SACS: variants seen among roughly 807,000 people sequenced by gnomAD.
The protein encoded by SACS is sacsin molecular chaperone.
In SACS, 197 loss-of-function variants were observed where a neutral mutation model predicts 348.0. That is an observed-to-expected ratio of 0.57 (90% CI 0.50 to 0.64). The LOEUF is 0.64. SACS is among the 30% of genes least tolerant of loss of function. The probability of loss-of-function intolerance (pLI) is 0.00; values close to 1 mark genes in which losing one functional copy is unlikely to be tolerated. For synonymous variants in SACS, 1,985 were observed against 1,910.6 expected, an observed-to-expected ratio of 1.04 and a Z score of -1.02; for missense variants, 4,999 against 5,360.8, an observed-to-expected ratio of 0.93 and a Z score of 2.11.
intron 9 of SACS, chr13:23,346,732 A>G (rs966184730): frequency 1.6e-6 from 1 of 638,968 alleles, no homozygotes; most frequent in Non-Finnish European, 1.9e-6. Flanking sequence ...CTACTTAGGT[A>G]AATGCAAAAA....
In SACS at chr13:23,385,280, T is replaced by G. The variant is rs187589957; in HGVS notation, c.21-10011A>C. On this transcript the variant is annotated intron_variant, in intron 2 of 9. Transcript: ENST00000382292. ...TGAAATCTTGAACTCCTCAAAGTCA[T>G]CCACAAGGGTTGGAATCAACTTCTT... 1.5e-4 allele frequency among the ~76,000 whole-genome samples: 23 copies of G among 152,222 alleles called. No individual in the cohort carries two copies. In the South Asian group the frequency reaches 2.3e-3, roughly 15 times the overall value.
In SACS at chr13:23,355,278, A is replaced by T. The variant is rs1870282951; in HGVS notation, c.1334T>A (p.Phe445Tyr). The change falls in exon 8 of 10, where the codon TTT (phenylalanine) becomes TAT (tyrosine). Residue 445 changes from phenylalanine (F) to tyrosine (Y), a missense_variant. Physicochemically the swap from Phe to Tyr is conservative, Grantham distance 22 (BLOSUM62 3). Transcript: ENST00000382292. ...ACCAGGTGGTAAAGGAAGGAAACAA[A>T]ATGCTTTTCCTGAGAAATCAGACGT... Reference protein sequence around the residue: ...GATSDFSGKAFCFLPLPPGEE... With the variant: ...GATSDFSGKAYCFLPLPPGEE... 3 of 1,614,002 alleles carry T rather than the reference A, an allele frequency of 1.9e-6. No individual in the cohort carries two copies. In the South Asian group the frequency reaches 3.3e-5, roughly 18 times the overall value.
rs151198963 is a variant in SACS, at chr13:23,373,323, T to C, written c.171+1796A>G. The C allele has an allele frequency of 2.2e-3, 338 of 152,442 alleles. 2 individuals carry two copies. The highest frequency in any genetic ancestry group is 7.9e-3 in the African/African-American group (327 of 41,528). 9.4% of individuals were successfully genotyped at this position (152,442 alleles called of 1,614,324 possible). A position where few individuals can be genotyped will look rare whatever the true frequency, so the allele number is the denominator to read the frequency against. On this transcript the variant is annotated intron_variant, in intron 3 of 9. Coordinates refer to ENST00000382292, the MANE Select transcript of SACS (RefSeq NM_014363.6). ...CCTTCCAAAGAAGCTAAGGCTATGC[T>C]GGGGTGAGGCCCTCACTTCATCCAG...
rs1868605695 is a variant in SACS at position 23,336,430 on chromosome 13, T to C, written c.7446A>G (p.Lys2482=). Residue 2482 remains lysine (K), a synonymous_variant, in exon 10 of 10, where the codon AAA becomes AAG. Transcript: ENST00000382292. ...CCCTGGGTATGTCAGCATGACAATA[T>C]TTTACAGTGGTATCCTTTACTTTTA... ...PWIKVKDTTV[K]YCHADIPREV... is the part of the protein sequence containing the mutation. The C allele has an allele frequency of 6.2e-7, 1 of 1,613,986 alleles. No homozygotes were observed. The highest frequency in any genetic ancestry group is 1.1e-5 in the South Asian group (1 of 91,080).
At chr13:23,373,203 G>A (rs1011846221) in intron 3 of SACS, among the ~76,000 whole-genome samples, 8 of 152,180 alleles carry the variant, frequency 5.3e-5, no homozygotes, top group Non-Finnish European at 1.5e-5. Context: ...GATGTCGGCA[G>A]GCATAGAGAA....
At chr13:23,353,919 A>G in intron 8 of SACS, 43 bp from the exon 9 acceptor site, 1 of 1,100,138 alleles carries the variant, frequency 9.1e-7, no homozygotes, top group African/African-American at 1.5e-5. Context: ...TCTTCCCACA[A>G]TTCCAAGATT....
chr13:23,364,367 G>A (rs972753405), intron 6 of SACS, among the ~76,000 whole-genome samples: 3 of 151,948 alleles, frequency 2.0e-5, no homozygotes, highest in Non-Finnish European at 4.4e-5. Flanking sequence ...TACAACCTCC[G>A]CCTCCCGAGT....
At chr13:23,358,695 T>C (rs904975309) in intron 6 of SACS, among the ~76,000 whole-genome samples, 6 of 152,122 alleles carry the variant, frequency 3.9e-5, no homozygotes, top group Non-Finnish European at 7.4e-5. Context: ...ATACTATTGT[T>C]GGCCAAAAAT....
At chr13:23,356,711 C>G (rs1039212351) in intron 7 of SACS, among the ~76,000 whole-genome samples, 1 of 152,206 alleles carries the variant, frequency 6.6e-6, no homozygotes, top group African/African-American at 2.4e-5. Flanking sequence ...AGAGAAATTC[C>G]TCCCCAGTGT....
At chr13:23,426,426 A>C (rs980483321) in intron 1 of SACS, among the ~76,000 whole-genome samples, 4 of 152,156 alleles carry the variant, frequency 2.6e-5, no homozygotes, top group African/African-American at 9.7e-5. Flanking sequence ...AGATCACCTG[A>C]GGTCAGGAGT....
rs1284496285 is a variant in SACS at position 23,413,229 on chromosome 13, T to G, written c.-501-1489A>C. On this transcript the variant is annotated intron_variant, in intron 1 of 9. Transcript: ENST00000382292. ...TCAATCTCAGGTGATGCGCCTGCCC[T>G]AGCCTCCCAAAGTGCTGGGATTACA... Among the ~76,000 whole-genome samples, 6 of 152,094 alleles carry G rather than the reference T, an allele frequency of 3.9e-5. No homozygotes were observed. In the East Asian group the frequency reaches 1.2e-3, roughly 29 times the overall value.
In SACS at chr13:23,341,516, T is replaced by C. The variant is rs749047039; in HGVS notation, c.2360A>G (p.Tyr787Cys). The C allele has an allele frequency of 5.0e-6, 8 of 1,614,086 alleles. No homozygotes were observed. Among genetic ancestry groups the C allele is most frequent in the Non-Finnish European group, 6.8e-6 (8 of 1,179,974 alleles). The part of the protein sequence containing the change: ...SWLKMVWKNL[Y>C]IHFSEDLTLF... ...AGTCAAATCCTCTGAAAAATGTATA[T>C]AAAGATTTTTCCAAACCATCTTAAG... Residue 787 changes from tyrosine to cysteine, a missense_variant, in exon 10 of 10, where the codon TAT (tyrosine) becomes TGT (cysteine). Transcript: ENST00000382292.
intron 9 of SACS, among the ~76,000 whole-genome samples, chr13:23,350,200 T>C (rs1237067430): frequency 6.6e-6 from 1 of 152,170 alleles, no homozygotes; most frequent in African/African-American, 2.4e-5. Context: ...GAAAAATCAT[T>C]AACTAGTGAC....
rs1211378516 is a variant in SACS, at chr13:23,333,614, A to T, written c.10262T>A (p.Val3421Glu). 1 of 1,613,778 alleles carries T rather than the reference A, an allele frequency of 6.2e-7. No homozygotes were observed. Among genetic ancestry groups the T allele is most frequent in the Non-Finnish European group, 8.5e-7 (1 of 1,179,778 alleles). Residue 3421 changes from valine (V) to glutamate (E), a missense_variant, in exon 10 of 10, where the codon GTA becomes GAA. By Grantham distance (121) the Val-to-Glu change is moderately radical. Around this residue, in one of 6 missense-constraint regions of SACS, gnomAD observed 734 missense variants for 694.0 expected, o/e 1.06. Transcript: ENST00000382292. Reference sequence around the variant, plus strand: ...GCATGTTCCAAATTTTCCAATGCTTACATAGCGGCCACTGATGGATTTATA... The same window carrying T: ...GCATGTTCCAAATTTTCCAATGCTTTCATAGCGGCCACTGATGGATTTATA... The part of the protein sequence containing the change: ...PCYKSISGRY[V>E]SIGKFGTCYV...
chr13:23,379,579 T>G (rs1871959299), intron 2 of SACS, among the ~76,000 whole-genome samples: 1 of 152,204 alleles, frequency 6.6e-6, no homozygotes, highest in Non-Finnish European at 1.5e-5. Flanking sequence ...CCCTCTCCTA[T>G]GTGCCCTACT....
At chr13:23,391,363 G>T (rs767828136) in intron 2 of SACS, among the ~76,000 whole-genome samples, 1 of 152,166 alleles carries the variant, frequency 6.6e-6, no homozygotes, top group African/African-American at 2.4e-5. Context: ...CCAGCTCTCC[G>T]GCTCAGGTTG....
chr13:23,400,594 G>C (rs1030985351), intron 2 of SACS, among the ~76,000 whole-genome samples: 3 of 152,076 alleles, frequency 2.0e-5, no homozygotes, highest in African/African-American at 7.2e-5. Flanking sequence ...CTAATTTTTT[G>C]TATTTTTAGT....
chr13:23,365,609 T>C (rs1199513980), intron 5 of SACS, among the ~76,000 whole-genome samples: 6 of 152,224 alleles, frequency 3.9e-5, no homozygotes, highest in Non-Finnish European at 7.3e-5. Flanking sequence ...ATTATTCTAT[T>C]TCCAAAAGCT....
chr13:23,345,244 T>C (rs1478100675), intron 9 of SACS, among the ~76,000 whole-genome samples: 1 of 152,142 alleles, frequency 6.6e-6, no homozygotes, highest in Non-Finnish European at 1.5e-5. Context: ...CAAGGTTCAA[T>C]TAAATGGTGT....
Sources: gnomAD v4.1 joint callset for allele counts (sites outside exome capture counted in the v4.1 genomes callset) on GRCh38, gnomAD v4.1.1 for gene constraint, gnomAD v4.1.1 regional missense constraint, MANE v1.5 for transcripts, NCBI Gene and HGNC (gene_info 2026-07-23, HGNC 2026-07-21) for gene names.